IPP: variants seen among roughly 807,000 people sequenced by gnomAD.
IPP encodes the protein actin-binding protein IPP.
Under a neutral mutation model 64.1 loss-of-function variants are expected in IPP, and 41 were observed. The ratio of observed to expected loss-of-function variants is 0.64; its 90% confidence interval spans 0.50 to 0.83. IPP has a LOEUF of 0.83. IPP is among the 40% of genes least tolerant of loss of function. IPP has a pLI of 0.00. For synonymous variants in IPP, 214 were observed against 235.2 expected (o/e 0.91, Z 0.83); for missense variants, 649 against 703.0 (o/e 0.92, Z 0.87).
At chr1:45,744,161 TC>T (rs1646103845) in intron 2 of IPP, among the ~76,000 whole-genome samples, 1 of 152,186 alleles carries the variant, frequency 6.6e-6, no homozygotes, top group Admixed American at 6.5e-5. Flanking sequence ...TTTTTCTCTC[TC>T]TCTTTTTGAG....
At chr1:45,706,444 T>A (rs893495156) in intron 8 of IPP, among the ~76,000 whole-genome samples, 4 of 152,044 alleles carry the variant, frequency 2.6e-5, no homozygotes, top group Non-Finnish European at 5.9e-5. Context: ...CTGAAAAAAA[T>A]TTTTTAATAA....
chr1:45,732,042 C>T (rs1299720327), intron 3 of IPP, among the ~76,000 whole-genome samples: 1 of 152,028 alleles, frequency 6.6e-6, no homozygotes, highest in African/African-American at 2.4e-5. Flanking sequence ...CTCGTAAGTG[C>T]TTCACATGAT....
Position 45,700,102 on chromosome 1 carries a change from C to T in IPP, c.1619G>A (p.Gly540Asp), listed in dbSNP as rs767165667. The T allele has an allele frequency of 9.9e-6, 16 of 1,613,958 alleles. No homozygotes were observed. Among genetic ancestry groups the T allele is most frequent in the Admixed American group, 8.3e-5 (5 of 59,984 alleles). The change falls in exon 9 of 9, where the codon GGT (glycine) becomes GAT (aspartate). Residue 540 changes from glycine (G) to aspartate (D), a missense_variant. Transcript: ENST00000396478. The part of the protein sequence containing the change: ...AVNGLLYVSG[G>D]RSSSHDFLAP... ...CAAAAAATCATGGCTGGAAGATCGA[C>T]CTCCAGAAACATACAGAAGACCATT...
At chr1:45,697,728 G>A (rs965763820), downstream of IPP, among the ~76,000 whole-genome samples, 8 of 151,998 alleles carry the variant, frequency 5.3e-5, no homozygotes, top group Non-Finnish European at 1.0e-4. Flanking sequence ...GGAGGCCAAG[G>A]TGGGCAGATC....
intron 8 of IPP, among the ~76,000 whole-genome samples, chr1:45,701,933 T>A (rs953767186): frequency 8.5e-5 from 13 of 152,160 alleles, no homozygotes; most frequent in African/African-American, 3.1e-4. Context: ...CCAGGGACAA[T>A]TCTTTGAAAG....
intron 3 of IPP, among the ~76,000 whole-genome samples, chr1:45,732,055 A>G (rs1570021766): frequency 6.6e-6 from 1 of 151,882 alleles, no homozygotes; most frequent in East Asian, 1.9e-4. Flanking sequence ...CACATGATAC[A>G]ATTGTTTAAG....
chr1:45,715,874 A>C (rs1362929355), intron 7 of IPP, among the ~76,000 whole-genome samples: 2 of 152,228 alleles, frequency 1.3e-5, no homozygotes, highest in African/African-American at 4.8e-5. Flanking sequence ...ACTAGGAGAC[A>C]ATATCATATT....
Position 45,746,273 on chromosome 1 carries a change from T to C in IPP, c.139A>G (p.Ser47Gly). 6.2e-7 allele frequency: 1 copy of C among 1,614,218 alleles called. No homozygotes were observed. The highest frequency in any genetic ancestry group is 8.5e-7 in the Non-Finnish European group (1 of 1,180,042). Residue 47 changes from serine to glycine, a missense_variant, in exon 2 of 9, where the codon AGT becomes GGT. Ser to Gly is a moderately conservative substitution (Grantham distance 56). Coordinates refer to ENST00000396478, the MANE Select transcript of IPP (RefSeq NM_005897.3). ...CDVQLQVGQE[S>G]FKAHRLVLAA... ...AAAACCAGCCGATGAGCTTTAAAACTTTCCTGTCCAACTTGCAGCTGCACA... is the reference window on the plus strand; with the variant it reads ...AAAACCAGCCGATGAGCTTTAAAACCTTCCTGTCCAACTTGCAGCTGCACA...
In IPP at chr1:45,729,714, A is replaced by ATG. The variant is rs1557753475; in HGVS notation, c.779_780insCA (p.Glu261MetfsTer34). 6.2e-7 allele frequency: 1 copy of ATG among 1,606,918 alleles called. No individual in the cohort carries two copies. Among genetic ancestry groups the ATG allele is most frequent in the East Asian group, 2.2e-5 (1 of 44,744 alleles). On this transcript the variant is annotated frameshift_variant, in exon 4 of 9. Coordinates refer to ENST00000396478, the MANE Select transcript of IPP (RefSeq NM_005897.3). LOFTEE classifies it high-confidence loss of function. ...TCTCTTTGGGAGATTTGCATACTTCACAGTACTCTTTCAGAAGTGTTTGCA... is the reference window on the plus strand; with the variant it reads ...TCTCTTTGGGAGATTTGCATACTTCATGCAGTACTCTTTCAGAAGTGTTTGCA...
chr1:45,719,844 G>A (rs1447855266), intron 5 of IPP, among the ~76,000 whole-genome samples: 2 of 151,928 alleles, frequency 1.3e-5, no homozygotes, highest in Non-Finnish European at 2.9e-5. Flanking sequence ...TCCTGCCTCA[G>A]CCTCCTGAGT....
chr1:45,718,183 T>G (rs1243136753), intron 6 of IPP, among the ~76,000 whole-genome samples: 2 of 152,238 alleles, frequency 1.3e-5, no homozygotes, highest in African/African-American at 4.8e-5. Context: ...TTTTGGTATG[T>G]GCTTTCTTAT....
downstream of IPP, among the ~76,000 whole-genome samples, chr1:45,695,164 GT>G (rs1229173001): frequency 2.6e-5 from 4 of 151,844 alleles, no homozygotes; most frequent in African/African-American, 4.8e-5. Flanking sequence ...GTGTGTTTTT[GT>G]TTTTGTTTTG....
At chr1:45,730,820 G>C (rs564699291) in intron 3 of IPP, among the ~76,000 whole-genome samples, 13 of 152,326 alleles carry the variant, frequency 8.5e-5, no homozygotes, top group African/African-American at 3.1e-4. Context: ...ACAAAATCTT[G>C]AGAATTCTCA....
rs575643804 is a variant in IPP at position 45,733,482 on chromosome 1, C to A, written c.725-3713G>T. 3.8e-4 allele frequency among the ~76,000 whole-genome samples: 51 copies of A among 134,942 alleles called. 1 individual carries two copies. Among genetic ancestry groups the A allele is most frequent in the East Asian group, 4.4e-4 (2 of 4,498 alleles). 88.5% of individuals were successfully genotyped at this position (134,942 alleles called of 152,430 possible). On this transcript the variant is annotated intron_variant, in intron 3 of 8. Transcript: ENST00000396478. The stretch of plus-strand genomic sequence containing the variant: ...ATAAGCAAGTCATTAAAAAAAAAAA[C>A]CCCAAAATCCAAACTATGCCTTACA...
intron 8 of IPP, among the ~76,000 whole-genome samples, chr1:45,704,762 GGT>G (rs1394438790): frequency 6.6e-6 from 1 of 152,164 alleles, no homozygotes; most frequent in Non-Finnish European, 1.5e-5. Context: ...TGAGGTAGAA[GGT>G]GGTGAATCAA....
downstream of IPP, among the ~76,000 whole-genome samples, chr1:45,697,527 C>T (rs957353926): frequency 1.8e-4 from 27 of 152,068 alleles, no homozygotes; most frequent in African/African-American, 5.6e-4. Context: ...GCTAGGATTA[C>T]AGGCATAAGC....
Position 45,742,230 on chromosome 1 carries a change from A to T in IPP, c.293-898T>A, listed in dbSNP as rs77757846. 3.0e-3 allele frequency among the ~76,000 whole-genome samples: 458 copies of T among 152,286 alleles called. 3 individuals carry two copies. Among genetic ancestry groups the T allele is most frequent in the East Asian group, 0.022 (115 of 5,182 alleles). Reference sequence around the variant, plus strand: ...TCGGGCCTACTTGAGAGTGGAGGGTAGGAGGAGGGTAAAGATTGAAAAACT... The same window carrying T: ...TCGGGCCTACTTGAGAGTGGAGGGTTGGAGGAGGGTAAAGATTGAAAAACT... On this transcript the variant is annotated intron_variant, in intron 2 of 8. Coordinates refer to ENST00000396478, the MANE Select transcript of IPP (RefSeq NM_005897.3).
intron 3 of IPP, among the ~76,000 whole-genome samples, chr1:45,733,424 CA>C (rs1193294129): frequency 6.9e-6 from 1 of 144,386 alleles, no homozygotes. Flanking sequence ...GACTTCATCT[CA>C]AAAAAACATA....
intron 6 of IPP, among the ~76,000 whole-genome samples, chr1:45,717,221 GAAAAAAAAAAA>G (rs56338317): frequency 3.1e-5 from 3 of 95,260 alleles, no homozygotes; most frequent in African/African-American, 4.1e-5. Flanking sequence ...GCTCTTTTGA[GAAAAAAAAAAA>G]AAAAAAAAAA....
Sources: allele counts gnomAD v4.1 joint callset (sites outside exome capture counted in the v4.1 genomes callset), GRCh38; gene constraint gnomAD v4.1.1; transcripts MANE v1.5; gene names NCBI Gene and HGNC (gene_info 2026-07-23, HGNC 2026-07-21).